Variants in DLGAP2 observed in about 807,000 individuals in gnomAD.
DLGAP2 encodes disks large-associated protein 2.
A neutral mutation model predicts 100.3 loss-of-function variants in DLGAP2; 26 were observed. The ratio of observed to expected loss-of-function variants is 0.26; its 90% CI spans 0.19 to 0.36. DLGAP2 has a LOEUF of 0.36. Ranked by LOEUF, DLGAP2 falls within the 10% of genes least tolerant of loss-of-function variation. DLGAP2 has a pLI of 1.00. For missense variants in DLGAP2, 1,858 were observed against 1,453.2 expected (o/e 1.28, Z -4.53); for synonymous variants, 886 against 630.1 (o/e 1.41, Z -6.08).
At chr8:962,583 C>T (rs1030327083) in intron 2 of DLGAP2, among the ~76,000 whole-genome samples, 1 of 152,120 alleles carries the variant, frequency 6.6e-6, no homozygotes, top group Non-Finnish European at 1.5e-5. Flanking sequence ...TTTGAGGTCA[C>T]CTGCTCCAGC....
intron 8 of DLGAP2, among the ~76,000 whole-genome samples, chr8:1,661,520 TG>T (rs1333971288): frequency 6.6e-6 from 1 of 152,208 alleles, no homozygotes; most frequent in Non-Finnish European, 1.5e-5. Flanking sequence ...TCCATCTCCC[TG>T]GCAAACTAAA....
intron 4 of DLGAP2, among the ~76,000 whole-genome samples, chr8:1,520,217 G>C (rs1800543959): frequency 6.6e-6 from 1 of 152,226 alleles, no homozygotes; most frequent in Non-Finnish European, 1.5e-5. Flanking sequence ...CTGAGGAGAA[G>C]AACAGCTGCA....
intron 2 of DLGAP2, among the ~76,000 whole-genome samples, chr8:1,163,337 C>G (rs915116752): frequency 6.6e-6 from 1 of 152,230 alleles, no homozygotes; most frequent in Non-Finnish European, 1.5e-5. Flanking sequence ...TGCCGGCCTT[C>G]CCGGGGTGTC....
intron 2 of DLGAP2, among the ~76,000 whole-genome samples, chr8:1,201,944 G>A (rs1162136320): frequency 6.9e-6 from 1 of 145,332 alleles, no homozygotes; most frequent in Non-Finnish European, 1.5e-5. Flanking sequence ...TGTGATGTGT[G>A]TATGTGTACA....
chr8:1,629,831 A>T (rs1797598465), intron 7 of DLGAP2, among the ~76,000 whole-genome samples: 2 of 152,234 alleles, frequency 1.3e-5, no homozygotes, highest in Admixed American at 1.3e-4. Context: ...AAATGCTCTT[A>T]TGAAACATTC....
At chr8:1,072,499 G>A (rs1317089831) in intron 2 of DLGAP2, among the ~76,000 whole-genome samples, 1 of 152,098 alleles carries the variant, frequency 6.6e-6, no homozygotes, top group Non-Finnish European at 1.5e-5. Flanking sequence ...TGGAGAACTC[G>A]ACGCGTGTTT....
intron 2 of DLGAP2, among the ~76,000 whole-genome samples, chr8:1,028,257 G>A (rs528846457): frequency 5.0e-5 from 7 of 139,496 alleles, no homozygotes; most frequent in African/African-American, 8.2e-5. Context: ...GGTGTCAGGC[G>A]CCCGTTATTC....
chr8:1,120,177 C>T (rs1796001852), intron 2 of DLGAP2, among the ~76,000 whole-genome samples: 2 of 152,082 alleles, frequency 1.3e-5, no homozygotes, highest in Admixed American at 6.6e-5. Context: ...AAGGGTTCAG[C>T]CCCTTCATTT....
chr8:916,476 T>C (rs984043681), intron 2 of DLGAP2, among the ~76,000 whole-genome samples: 9 of 152,064 alleles, frequency 5.9e-5, no homozygotes, highest in African/African-American at 2.2e-4. Flanking sequence ...AATTGAACAA[T>C]GAGAACAGTT....
chr8:1,207,370 G>A (rs1798018559), intron 2 of DLGAP2, among the ~76,000 whole-genome samples: 1 of 152,076 alleles, frequency 6.6e-6, no homozygotes, highest in African/African-American at 2.4e-5. Flanking sequence ...TTGAATAATG[G>A]TCTCCAACTC....
chr8:815,092 G>T (rs979348700), intron 1 of DLGAP2, among the ~76,000 whole-genome samples: 4 of 152,126 alleles, frequency 2.6e-5, no homozygotes, highest in African/African-American at 9.7e-5. Flanking sequence ...GTAATAGAAA[G>T]GGGGGTGTCG....
chr8:1,387,390 G>C (rs1456220509), intron 3 of DLGAP2, among the ~76,000 whole-genome samples: 3 of 152,228 alleles, frequency 2.0e-5, no homozygotes, highest in Non-Finnish European at 4.4e-5. Flanking sequence ...GAATTGGGCA[G>C]TGGCCACGGG....
intron 5 of DLGAP2, 67 bp from the exon 6 acceptor site, chr8:1,565,616 A>C (rs1349100507): frequency 7.6e-7 from 1 of 1,317,956 alleles, no homozygotes; most frequent in Non-Finnish European, 1.1e-6. Context: ...TTTGTTTCCA[A>C]AAAGGAGCTG....
chr8:1,197,689 C>G (rs1456490775), intron 2 of DLGAP2, among the ~76,000 whole-genome samples: 9 of 66,354 alleles, frequency 1.4e-4, no homozygotes, highest in Non-Finnish European at 5.5e-5. Flanking sequence ...CCATATAAAC[C>G]TGAGCCACGT....
intron 2 of DLGAP2, among the ~76,000 whole-genome samples, chr8:1,065,664 T>C (rs1042627782): frequency 6.6e-6 from 1 of 152,206 alleles, no homozygotes; most frequent in African/African-American, 2.4e-5. Flanking sequence ...TATGCTCGTC[T>C]TCCTTCCAAT....
intron 3 of DLGAP2, among the ~76,000 whole-genome samples, chr8:1,451,795 C>T (rs925074986): frequency 1.3e-5 from 2 of 152,188 alleles, no homozygotes; most frequent in Non-Finnish European, 2.9e-5. Flanking sequence ...CAACATTCTC[C>T]CAACGTCCGG....
chr8:881,496 CTTTTT>C (rs533557661), intron 1 of DLGAP2, among the ~76,000 whole-genome samples: 3 of 85,630 alleles, frequency 3.5e-5, no homozygotes, highest in Admixed American at 1.3e-4. Flanking sequence ...TTTCATCTCT[CTTTTT>C]TTTTTTTTTT....
chr8:1,146,657 ACG>A (rs1372944944), intron 2 of DLGAP2, among the ~76,000 whole-genome samples: 3 of 152,040 alleles, frequency 2.0e-5, no homozygotes, highest in African/African-American at 7.2e-5. Flanking sequence ...GTGTGCATGC[ACG>A]TGTGTGTGCA....
intron 2 of DLGAP2, among the ~76,000 whole-genome samples, chr8:1,053,892 C>T (rs1802795434): frequency 6.6e-6 from 1 of 152,150 alleles, no homozygotes; most frequent in Non-Finnish European, 1.5e-5. Flanking sequence ...GCTTTTAGAG[C>T]AAGTACTGTT....
Sources: gnomAD v4.1 joint callset for allele counts (sites outside exome capture counted in the v4.1 genomes callset) on GRCh38, gnomAD v4.1.1 for gene constraint, MANE v1.5 for transcripts, NCBI Gene and HGNC (gene_info 2026-07-23, HGNC 2026-07-21) for gene names.